The following UNC79 variants were observed in gnomAD, a reference collection of about 807,000 sequenced individuals.
The protein encoded by UNC79 is protein unc-79 homolog.
A neutral mutation model predicts 283.1 loss-of-function variants in UNC79; 37 were observed. That is an observed-to-expected ratio of 0.13 (90% CI 0.10 to 0.17). The LOEUF (loss-of-function observed/expected upper bound fraction) is 0.17. UNC79 is among the 10% of genes least tolerant of loss of function. The pLI is 1.00. For missense variants in UNC79, 2,272 were observed against 3,211.1 expected (o/e 0.71, Z 7.07); for synonymous variants, 1,107 against 1,200.2 (o/e 0.92, Z 1.61).
intron 1 of UNC79, chr14:93,347,183 G>C: frequency 6.8e-7 from 1 of 1,463,202 alleles, no homozygotes; most frequent in Non-Finnish European, 9.1e-7. Flanking sequence ...GCGCAAACCA[G>C]CTGCCTCACG....
intron 1 of UNC79, among the ~76,000 whole-genome samples, chr14:93,336,771 C>A (rs1031766014): frequency 5.3e-5 from 8 of 152,164 alleles, no homozygotes; most frequent in African/African-American, 1.9e-4. Context: ...AGACAAGATT[C>A]ATAGATTCAA....
intron 1 of UNC79, among the ~76,000 whole-genome samples, chr14:93,358,097 A>G (rs1315728627): frequency 1.3e-5 from 2 of 151,708 alleles, no homozygotes; most frequent in Non-Finnish European, 2.9e-5. Context: ...CACTGGTTTT[A>G]GGGTTTCTGG....
chr14:93,580,477 G>A, intron 19 of UNC79, 101 bp downstream of exon 19: 1 of 1,188,234 alleles, frequency 8.4e-7, no homozygotes, highest in Non-Finnish European at 1.2e-6. Flanking sequence ...TATACTCCAT[G>A]CTGGGTTATA....
chr14:93,655,185 A>G (rs575796831), intron 37 of UNC79, 49 bp from the exon 41 acceptor site: 1 of 1,597,080 alleles, frequency 6.3e-7, no homozygotes, highest in Admixed American at 1.7e-5. Context: ...AGCGCTATGC[A>G]TTCCCGTGCT....
At chr14:93,510,327 A>T (rs2140848692) in intron 7 of UNC79, among the ~76,000 whole-genome samples, 1 of 152,304 alleles carries the variant, frequency 6.6e-6, no homozygotes, top group South Asian at 2.1e-4. Context: ...CTCTTTACTT[A>T]TGCAAATTTC....
chr14:93,420,247 C>A (rs181385261), intron 1 of UNC79, among the ~76,000 whole-genome samples: 1 of 149,422 alleles, frequency 6.7e-6, no homozygotes, highest in Non-Finnish European at 1.5e-5. Context: ...AGACACACAT[C>A]GACTGAAAAC....
intron 14 of UNC79, among the ~76,000 whole-genome samples, chr14:93,560,421 A>C (rs1015926088): frequency 1.4e-4 from 21 of 152,226 alleles, no homozygotes; most frequent in Non-Finnish European, 2.6e-4. Context: ...TTAAAGAGTC[A>C]ACTTGGGCCT....
intron 14 of UNC79, among the ~76,000 whole-genome samples, chr14:93,546,159 C>T (rs1173571408): frequency 6.6e-6 from 1 of 152,182 alleles, no homozygotes; most frequent in Non-Finnish European, 1.5e-5. Context: ...CTTGTGACCT[C>T]TGGAATAACA....
exon 40 of UNC79, chr14:93,662,665 T>C (rs762375600): frequency 6.2e-7 from 1 of 1,612,646 alleles, no homozygotes; most frequent in South Asian, 1.1e-5. Flanking sequence ...GTCTTCACTC[T>C]GGCCTACCTG....
At chr14:93,547,570 A>T (rs1416777570) in intron 14 of UNC79, among the ~76,000 whole-genome samples, 1 of 152,236 alleles carries the variant, frequency 6.6e-6, no homozygotes, top group Non-Finnish European at 1.5e-5. Flanking sequence ...ATATGACACT[A>T]AGAGATTTCA....
chr14:93,557,662 C>T (rs1432555803), intron 14 of UNC79, among the ~76,000 whole-genome samples: 1 of 152,014 alleles, frequency 6.6e-6, no homozygotes, highest in African/African-American at 2.4e-5. Context: ...AGAGTACCCC[C>T]ATATGGTCAC....
At chr14:93,620,646 GC>G (rs1279346623) in intron 29 of UNC79, among the ~76,000 whole-genome samples, 2 of 152,158 alleles carry the variant, frequency 1.3e-5, no homozygotes. Flanking sequence ...CTCTCAAGAA[GC>G]CTCTCCTTAA....
intron 41 of UNC79, among the ~76,000 whole-genome samples, chr14:93,681,250 C>T (rs530177843): frequency 1.4e-4 from 22 of 152,302 alleles, no homozygotes; most frequent in South Asian, 1.0e-3. Flanking sequence ...CTGCTTGTGC[C>T]CTCTTGCCCC....
At chr14:93,607,160 A>G (rs77154026) in intron 26 of UNC79, among the ~76,000 whole-genome samples, 2 of 152,344 alleles carry the variant, frequency 1.3e-5, no homozygotes, top group East Asian at 3.9e-4. Context: ...TTGTCTTCAT[A>G]TATTTAGAAT....
chr14:93,439,916 A>T (rs2140127618), intron 1 of UNC79, among the ~76,000 whole-genome samples: 1 of 152,292 alleles, frequency 6.6e-6, no homozygotes, highest in South Asian at 2.1e-4. Context: ...TAGAAATTTT[A>T]AAAATTCCTC....
chr14:93,520,033 G>A (rs2060249186), intron 7 of UNC79, among the ~76,000 whole-genome samples: 1 of 151,816 alleles, frequency 6.6e-6, no homozygotes, highest in South Asian at 2.1e-4. Flanking sequence ...CTACTATCTG[G>A]TATCATTTTC....
intron 37 of UNC79, among the ~76,000 whole-genome samples, chr14:93,654,758 A>G (rs1469894454): frequency 6.6e-6 from 1 of 152,112 alleles, no homozygotes; most frequent in Non-Finnish European, 1.5e-5. Flanking sequence ...TCCACAGAAC[A>G]ACTTGGTTTT....
chr14:93,395,665 T>A (rs1316265517), intron 1 of UNC79, among the ~76,000 whole-genome samples: 1 of 152,136 alleles, frequency 6.6e-6, no homozygotes, highest in Non-Finnish European at 1.5e-5. Context: ...GCTATAGAAT[T>A]TATTAGTGTT....
Position 93,376,195 on chromosome 14 carries a change from G to C in UNC79, c.-351+42672G>C, listed in dbSNP as rs147225193. Reference sequence around the variant, plus strand: ...AGGTGTTTAAGTTTCTAAGTTTTAGGCTAGTTTGTTATGCAACAATAGATA... The same window carrying C: ...AGGTGTTTAAGTTTCTAAGTTTTAGCCTAGTTTGTTATGCAACAATAGATA... On this transcript the variant is annotated intron_variant, in intron 1 of 49. Coordinates refer to the UNC79 transcript ENST00000256339. 6.7e-3 allele frequency among the ~76,000 whole-genome samples: 1,015 copies of C among 152,300 alleles called. 10 individuals are homozygous for C. Among genetic ancestry groups the C allele is most frequent in the African/African-American group, 0.023 (955 of 41,566 alleles).
Sources: gnomAD v4.1 joint callset for allele counts (sites outside exome capture counted in the v4.1 genomes callset) on GRCh38, gnomAD v4.1.1 for gene constraint, MANE v1.5 for transcripts, NCBI Gene and HGNC (gene_info 2026-07-23, HGNC 2026-07-21) for gene names.